Variants in LAMA3 observed in about 807,000 individuals in gnomAD.
LAMA3 encodes the protein laminin subunit alpha-3.
Under a neutral mutation model 402.0 loss-of-function variants are expected in LAMA3, and 281 were observed. The observed-to-expected ratio is 0.70, with a 90% CI of 0.63 to 0.77. The LOEUF is 0.77. LAMA3 is among the 30% of genes least tolerant of loss of function. LAMA3 has a pLI of 0.00. For missense variants in LAMA3, 3,840 were observed against 4,215.5 expected (o/e 0.91, Z 2.47); for synonymous variants, 1,431 against 1,558.4 (o/e 0.92, Z 1.93).
At chr18:23,800,994 G>A (rs562744161) in intron 12 of LAMA3, among the ~76,000 whole-genome samples, 39 of 152,074 alleles carry the variant, frequency 2.6e-4, no homozygotes, top group Middle Eastern at 6.8e-3. Context: ...TGAACATGGG[G>A]GTACAGGTCT....
At chr18:23,819,633 G>A (rs185245092) in intron 18 of LAMA3, among the ~76,000 whole-genome samples, 1 of 152,320 alleles carries the variant, frequency 6.6e-6, no homozygotes, top group East Asian at 1.9e-4. Context: ...CTTGGAATTA[G>A]TAGGCGTTGA....
intron 38 of LAMA3, among the ~76,000 whole-genome samples, chr18:23,874,418 G>A (rs2144843938): frequency 6.6e-6 from 1 of 152,192 alleles, no homozygotes; most frequent in East Asian, 1.9e-4. Context: ...CTTTAGGCAA[G>A]CCTGTTCATA....
intron 42 of LAMA3, 113 bp downstream of exon 42, chr18:23,890,230 A>G: frequency 1.3e-6 from 1 of 761,866 alleles, no homozygotes. Flanking sequence ...TCCAGCCAGC[A>G]AGCTGTCCCC....
intron 9 of LAMA3, among the ~76,000 whole-genome samples, chr18:23,774,501 A>C (rs1323735545): frequency 6.6e-6 from 1 of 152,204 alleles, no homozygotes; most frequent in African/African-American, 2.4e-5. Context: ...TAGATCCAGG[A>C]TATAGTTCTT....
chr18:23,772,083 C>G (rs1024054932), intron 8 of LAMA3, among the ~76,000 whole-genome samples: 1 of 151,280 alleles, frequency 6.6e-6, no homozygotes, highest in South Asian at 2.1e-4. Flanking sequence ...GCTCTGTCAC[C>G]CTGGCTGGAG....
At chr18:23,821,404 T>A (rs1446939831) in intron 19 of LAMA3, among the ~76,000 whole-genome samples, 1 of 152,232 alleles carries the variant, frequency 6.6e-6, no homozygotes, top group Non-Finnish European at 1.5e-5. Context: ...GTCTTTATTG[T>A]CACCAATATC....
At chr18:23,836,795 G>A (rs965414822) in intron 24 of LAMA3, among the ~76,000 whole-genome samples, 186 bp from the exon 25 acceptor site, 1 of 152,228 alleles carries the variant, frequency 6.6e-6, no homozygotes, top group Non-Finnish European at 1.5e-5. Context: ...GCCACGGCAG[G>A]AAGGTTATTT....
At chr18:23,876,544 C>T in intron 39 of LAMA3, 137 bp downstream of exon 39, 1 of 643,102 alleles carries the variant, frequency 1.6e-6, no homozygotes, top group Non-Finnish European at 2.8e-6. Flanking sequence ...ATATGAGGCT[C>T]CATTATCAGG....
Position 23,914,739 on chromosome 18 carries a change from C to T in LAMA3, c.7523C>T (p.Thr2508Ile), listed in dbSNP as rs769228130. The T allele has an allele frequency of 1.2e-6, 2 of 1,613,768 alleles. No individual in the cohort carries two copies. The highest frequency in any genetic ancestry group is 2.2e-5 in the East Asian group (1 of 44,880). The part of the protein sequence containing the change: ...FARLNYTKGA[T>I]SSKPETPGVY... Reference sequence around the variant, plus strand: ...AGGCTTAATTACACCAAAGGAGCCACATCCAGTAAACCAGAAACACCCGGA... The same window carrying T: ...AGGCTTAATTACACCAAAGGAGCCATATCCAGTAAACCAGAAACACCCGGA... The change falls in exon 58 of 75, where the codon ACA becomes ATA. Residue 2508 changes from threonine to isoleucine, a missense_variant. This residue lies in a region of LAMA3 where 891 missense variants were observed against 857.5 expected (regional missense o/e 1.04). Coordinates refer to ENST00000313654, the MANE Select transcript of LAMA3 (RefSeq NM_198129.4).
At chr18:23,822,633 C>T (rs1568221602) in intron 20 of LAMA3, among the ~76,000 whole-genome samples, 1 of 152,226 alleles carries the variant, frequency 6.6e-6, no homozygotes, top group Non-Finnish European at 1.5e-5. Flanking sequence ...GGCTGAACCC[C>T]ATGGGTTATG....
rs2063731111 is a variant in LAMA3, at chr18:23,842,705, A to T, written c.3558A>T (p.Glu1186Asp). 6.2e-7 allele frequency: 1 copy of T among 1,614,112 alleles called. No individual in the cohort carries two copies. Among genetic ancestry groups the T allele is most frequent in the Admixed American group, 1.7e-5 (1 of 60,010 alleles). ...GQIEFDISEP[E>D]VAATVKVPEG... ...TTGAGTTTGACATCTCAGAGCCTGA[A>T]GTGGCCGCAACTGTGAAGGTTCCAG... The change falls in exon 29 of 75, where the codon GAA becomes GAT. Residue 1186 changes from glutamate to aspartate, a missense_variant. By Grantham distance (45) the Glu-to-Asp change is conservative (BLOSUM62 2). Transcript: ENST00000313654.
chr18:23,737,976 G>T (rs955126332), intron 2 of LAMA3, among the ~76,000 whole-genome samples: 1 of 152,184 alleles, frequency 6.6e-6, no homozygotes, highest in Admixed American at 6.5e-5. Flanking sequence ...TTTGGGTCAC[G>T]CTGAGCTGGG....
chr18:23,837,092 A>G lies in LAMA3; in HGVS notation c.3093+3A>G, dbSNP rs374740711. ...GACACATGGCCCGATTCCTTCTGGT[A>G]TGCTTCTGTTTTGCCCATTGAATTT... On this transcript the variant is annotated splice_donor_region_variant and intron_variant, in intron 25 of 74. Transcript: ENST00000313654. 1.3e-5 allele frequency: 21 copies of G among 1,592,232 alleles called. No homozygotes were observed. The African/African-American group carries it at 2.0e-4, about 15-fold the overall frequency.
rs1409493332 is a variant in LAMA3 at position 23,861,711 on chromosome 18, C to G, written c.4488C>G (p.Asn1496Lys). The G allele has an allele frequency of 6.2e-7, 1 of 1,614,074 alleles. No individual in the cohort carries two copies. Among genetic ancestry groups the G allele is most frequent in the African/African-American group, 1.3e-5 (1 of 74,932 alleles). Residue 1496 changes from asparagine to lysine, a missense_variant, in exon 35 of 75, where the codon AAC becomes AAG. Around this residue, in one of 3 missense-constraint regions of LAMA3, gnomAD observed 2,109 missense variants for 2,376.0 expected, o/e 0.89. Transcript: ENST00000313654. ...ADRVDIPVSF[N>K]PGSNSMVADL... The stretch of plus-strand genomic sequence containing the variant: ...GAGTGGACATCCCTGTCTCTTTCAA[C>G]CCAGGCAGCAACAGTATGGTGGCGG...
At chr18:23,798,640 C>T (rs2062812041) in intron 12 of LAMA3, among the ~76,000 whole-genome samples, 1 of 152,102 alleles carries the variant, frequency 6.6e-6, no homozygotes, top group African/African-American at 2.4e-5. Context: ...TTGAACTGGC[C>T]CTTCCTTGTA....
intron 31 of LAMA3, 107 bp from the exon 32 acceptor site, chr18:23,847,357 C>A: frequency 4.3e-6 from 5 of 1,175,656 alleles, no homozygotes; most frequent in Non-Finnish European, 5.0e-6. Flanking sequence ...CCAAATATTT[C>A]TCTCTGACCC....
chr18:23,776,541 G>A (rs1312081661), intron 10 of LAMA3, among the ~76,000 whole-genome samples: 2 of 152,196 alleles, frequency 1.3e-5, no homozygotes, highest in East Asian at 3.8e-4. Flanking sequence ...TTAGGACAAA[G>A]AAACACTGTC....
chr18:23,854,413 G>GA (rs2064017645), intron 32 of LAMA3, among the ~76,000 whole-genome samples: 1 of 152,168 alleles, frequency 6.6e-6, no homozygotes, highest in Non-Finnish European at 1.5e-5. Flanking sequence ...AGGCCAAGTT[G>GA]GGTGGATAAC....
At chr18:23,943,690 G>T in intron 68 of LAMA3, 98 bp from the exon 69 acceptor site, 1 of 1,076,066 alleles carries the variant, frequency 9.3e-7, no homozygotes, top group South Asian at 1.3e-5. Flanking sequence ...TTTGAAAAAT[G>T]GGGGTTGGGT....
Sources: gnomAD v4.1 joint callset for allele counts (sites outside exome capture counted in the v4.1 genomes callset) on GRCh38, gnomAD v4.1.1 for gene constraint, gnomAD v4.1.1 regional missense constraint, MANE v1.5 for transcripts, NCBI Gene and HGNC (gene_info 2026-07-23, HGNC 2026-07-21) for gene names.